Variants in VGLL4 observed in about 807,000 individuals in gnomAD.
The protein encoded by VGLL4 is transcription cofactor vestigial-like protein 4.
A neutral mutation model predicts 21.0 loss-of-function variants in VGLL4; 7 were observed. The observed-to-expected ratio is 0.33, with a 90% CI of 0.19 to 0.63. The LOEUF is 0.63. Ranked by LOEUF, VGLL4 falls within the 20% of genes least tolerant of loss-of-function variation. VGLL4 has a pLI of 0.78. For synonymous variants in VGLL4, 222 were observed against 173.2 expected, an observed-to-expected ratio of 1.28 and a Z score of -2.21; for missense variants, 394 against 425.7, an observed-to-expected ratio of 0.93 and a Z score of 0.66.
In VGLL4 at chr3:11,600,370, GA is replaced by G. The variant is rs11381868; in HGVS notation, c.272+1462del. On this transcript the variant is annotated intron_variant, in intron 2 of 4. Coordinates refer to ENST00000430365, the MANE Select transcript of VGLL4 (RefSeq NM_001128219.3). ...CCTTTCTTACTTATGAAAAGAAAAA[GA>G]AAAAAAAAAAAAGACCAAATGTTCT... 1.4e-3 allele frequency among the ~76,000 whole-genome samples: 191 copies of G among 133,774 alleles called. 1 individual carries two copies. The highest frequency in any genetic ancestry group is 3.6e-3 in the East Asian group (16 of 4,432). 87.8% of individuals were successfully genotyped at this position (133,774 alleles called of 152,430 possible). A position where few individuals can be genotyped will look rare whatever the true frequency, so the allele number is the denominator to read the frequency against.
intron 1 of VGLL4, among the ~76,000 whole-genome samples, chr3:11,604,094 C>A (rs921271616): frequency 1.3e-5 from 2 of 150,578 alleles, no homozygotes; most frequent in African/African-American, 4.9e-5. Context: ...TTCTAACCCA[C>A]GGGTGGGGGT....
At chr3:11,606,449 G>A (rs1345455218) in intron 1 of VGLL4, among the ~76,000 whole-genome samples, 2 of 152,250 alleles carry the variant, frequency 1.3e-5, no homozygotes, top group Admixed American at 6.5e-5. Flanking sequence ...AGGATGTGGA[G>A]AAGCTGGAAC....
intron 1 of VGLL4, among the ~76,000 whole-genome samples, chr3:11,609,620 T>A (rs1402610699): frequency 6.6e-6 from 1 of 152,118 alleles, no homozygotes; most frequent in African/African-American, 2.4e-5. Context: ...GGGCGAGTGA[T>A]TGGGTTTCAG....
chr3:11,695,253 T>G (rs1042275115), intron 2 of VGLL4, among the ~76,000 whole-genome samples: 2 of 152,016 alleles, frequency 1.3e-5, no homozygotes, highest in African/African-American at 4.8e-5. Context: ...TTTCACCATC[T>G]TGGCCAGGCT....
intron 3 of VGLL4, among the ~76,000 whole-genome samples, chr3:11,563,744 A>C (rs2073255941): frequency 6.6e-6 from 1 of 152,208 alleles, no homozygotes; most frequent in Non-Finnish European, 1.5e-5. Context: ...CCCCTGGCAC[A>C]CAGCAGGGGT....
At chr3:11,679,040 T>C (rs1036828787) in intron 2 of VGLL4, among the ~76,000 whole-genome samples, 22 of 151,960 alleles carry the variant, frequency 1.4e-4, no homozygotes, top group African/African-American at 5.1e-4. Context: ...GTGCAGTATA[T>C]AATAATAATG....
At chr3:11,652,588 T>C (rs1309363911) in intron 2 of VGLL4, among the ~76,000 whole-genome samples, 1 of 152,084 alleles carries the variant, frequency 6.6e-6, no homozygotes, top group Non-Finnish European at 1.5e-5. Context: ...GCCCGGGTAA[T>C]TTTTGTATTT....
intron 2 of VGLL4, among the ~76,000 whole-genome samples, chr3:11,697,811 TTCA>T (rs1226202705): frequency 1.3e-5 from 2 of 152,156 alleles, no homozygotes; most frequent in Non-Finnish European, 2.9e-5. Flanking sequence ...TAATCAATGC[TTCA>T]TCAATTAGTC....
intron 1 of VGLL4, among the ~76,000 whole-genome samples, chr3:11,603,424 T>C (rs768660775): frequency 6.6e-6 from 1 of 152,210 alleles, no homozygotes; most frequent in Admixed American, 6.5e-5. Context: ...GGTTGGCCTA[T>C]ACTCCCTATT....
chr3:11,603,106 A>G (rs2074846955), intron 1 of VGLL4, among the ~76,000 whole-genome samples: 3 of 152,212 alleles, frequency 2.0e-5, no homozygotes, highest in Non-Finnish European at 4.4e-5. Context: ...ACTAATTTTC[A>G]TATCATCACA....
At chr3:11,632,771 T>G (rs2075509479) in intron 1 of VGLL4, among the ~76,000 whole-genome samples, 1 of 152,160 alleles carries the variant, frequency 6.6e-6, no homozygotes, top group Non-Finnish European at 1.5e-5. Context: ...TGCTCATCTG[T>G]CTCCCCTGCT....
At chr3:11,574,235 C>CGTAA (rs1293682837) in intron 2 of VGLL4, among the ~76,000 whole-genome samples, 2 of 152,218 alleles carry the variant, frequency 1.3e-5, no homozygotes, top group Admixed American at 6.5e-5. Context: ...TTGCTTTACA[C>CGTAA]GGCTTTAGAT....
intron 2 of VGLL4, among the ~76,000 whole-genome samples, chr3:11,689,430 A>T (rs1243983051): frequency 6.6e-6 from 1 of 152,182 alleles, no homozygotes; most frequent in Non-Finnish European, 1.5e-5. Context: ...AAGCCAACCT[A>T]GTTAACCTTT....
At chr3:11,648,432 C>G (rs531914111), upstream of VGLL4, among the ~76,000 whole-genome samples, 8 of 152,130 alleles carry the variant, frequency 5.3e-5, no homozygotes, top group East Asian at 1.5e-3. Flanking sequence ...CAAAAACTTA[C>G]AAAACTATAA....
At chr3:11,704,816 G>A (rs1002418118) in intron 1 of VGLL4, among the ~76,000 whole-genome samples, 3 of 152,146 alleles carry the variant, frequency 2.0e-5, no homozygotes, top group Admixed American at 2.0e-4. Context: ...AACATCTGGG[G>A]AAAATACTGG....
At position 11,582,349 on chromosome 3, in the gene VGLL4, G is replaced by A. The variant is rs779152984; in HGVS notation, c.273-17330C>T. On this transcript the variant is annotated intron_variant, in intron 2 of 4. Coordinates refer to ENST00000430365, the MANE Select transcript of VGLL4 (RefSeq NM_001128219.3). ...AGCGTCCTCCCACAAGAAAGCCTTG[G>A]GCCTCACAAACTTGGCAAGCAGTCT... 7.0e-6 allele frequency: 11 copies of A among 1,582,600 alleles called. No homozygotes were observed. The South Asian group carries it at 1.3e-4, about 18-fold the overall frequency.
At position 11,690,555 on chromosome 3, in the gene VGLL4, C is replaced by T. The variant is rs1426663740; in HGVS notation, c.64+12416G>A. On this transcript the variant is annotated intron_variant, in intron 2 of 5. Coordinates refer to the VGLL4 transcript ENST00000273038. ...GCTAGTGAACAGAACAGACTTTAGG[C>T]CTCTTGAATTCATTTTAAAAGTAAC... 3.3e-5 allele frequency among the ~76,000 whole-genome samples: 5 copies of T among 152,090 alleles called. No individual in the cohort carries two copies. The East Asian group carries it at 9.7e-4, about 29-fold the overall frequency.
intron 2 of VGLL4, chr3:11,582,486 T>A (rs1575413625): frequency 1.0e-6 from 1 of 971,654 alleles, no homozygotes; most frequent in Admixed American, 2.8e-5. Flanking sequence ...AAGTTTCCTA[T>A]GGGTCCTGGG....
At chr3:11,623,835 G>A (rs13098543) in intron 1 of VGLL4, among the ~76,000 whole-genome samples, 6 of 151,276 alleles carry the variant, frequency 4.0e-5, no homozygotes, top group Non-Finnish European at 7.4e-5. Flanking sequence ...CAACCTCCCA[G>A]GCTCAAGTGA....
Sources: gnomAD v4.1 joint callset for allele counts (sites outside exome capture counted in the v4.1 genomes callset) on GRCh38, gnomAD v4.1.1 for gene constraint, MANE v1.5 for transcripts, NCBI Gene and HGNC (gene_info 2026-07-23, HGNC 2026-07-21) for gene names.